The following SLC25A20 variants were observed in gnomAD, a reference collection of about 807,000 sequenced individuals.
SLC25A20 encodes mitochondrial carnitine/acylcarnitine carrier protein.
SLC25A20 carries 29 observed loss-of-function variants against 39.7 expected under a neutral mutation model. The observed-to-expected ratio is 0.73, with a 90% CI of 0.54 to 1.00. The LOEUF (loss-of-function observed/expected upper bound fraction) is 1.00, where lower values mean the gene tolerates loss of function less well. Among genes scored for constraint, SLC25A20 ranks in the 50% least tolerant of loss-of-function variants. The pLI is 0.00. For missense variants in SLC25A20, 333 were observed against 379.9 expected (o/e 0.88, Z 1.03); for synonymous variants, 103 against 142.2 (o/e 0.72, Z 1.96).
chr3:48,894,884 C>G (rs2083900970), intron 1 of SLC25A20, among the ~76,000 whole-genome samples: 1 of 152,238 alleles, frequency 6.6e-6, no homozygotes, highest in Non-Finnish European at 1.5e-5. Flanking sequence ...ATGGCATGAT[C>G]TTGGCTCACC....
At chr3:48,883,056 G>A (rs968763502) in intron 3 of SLC25A20, among the ~76,000 whole-genome samples, 2 of 151,378 alleles carry the variant, frequency 1.3e-5, no homozygotes, top group Admixed American at 6.6e-5. Context: ...TTAGCCGGGC[G>A]TGGTGGCGGG....
At chr3:48,879,308 A>G in intron 4 of SLC25A20, 50 bp downstream of exon 4, 1 of 1,368,632 alleles carries the variant, frequency 7.3e-7, no homozygotes, top group South Asian at 1.2e-5. Context: ...ATGCACACGA[A>G]ATTATAAACT....
intron 3 of SLC25A20, among the ~76,000 whole-genome samples, chr3:48,881,395 C>G (rs2083794465): frequency 6.6e-6 from 1 of 152,196 alleles, no homozygotes; most frequent in Admixed American, 6.6e-5. Flanking sequence ...GGACTGGAGA[C>G]TGTCTCTGAA....
chr3:48,887,290 G>T (rs1462687693), intron 2 of SLC25A20, among the ~76,000 whole-genome samples: 1 of 152,160 alleles, frequency 6.6e-6, no homozygotes, highest in East Asian at 1.9e-4. Flanking sequence ...ACAGACCCCT[G>T]CCTGGCAGCT....
At chr3:48,889,566 G>C (rs138467572) in intron 2 of SLC25A20, among the ~76,000 whole-genome samples, 1 of 151,106 alleles carries the variant, frequency 6.6e-6, no homozygotes, top group East Asian at 2.0e-4. Flanking sequence ...TCCAGATGCA[G>C]GTGTACATTT....
chr3:48,897,654 T>G (rs930055417), intron 1 of SLC25A20, among the ~76,000 whole-genome samples: 1 of 152,056 alleles, frequency 6.6e-6, no homozygotes, highest in Non-Finnish European at 1.5e-5. Flanking sequence ...GCTCCTCTCT[T>G]GGATGAAAGG....
At chr3:48,874,488 G>A (rs542867765) in intron 4 of SLC25A20, among the ~76,000 whole-genome samples, 137 of 151,460 alleles carry the variant, frequency 9.0e-4, no homozygotes, top group African/African-American at 3.0e-3. Flanking sequence ...CTAAACTAGA[G>A]ATACAACTAC....
chr3:48,874,871 A>AC (rs568298595), intron 4 of SLC25A20, among the ~76,000 whole-genome samples: 81 of 149,556 alleles, frequency 5.4e-4, no homozygotes, highest in Admixed American at 1.2e-3. Flanking sequence ...ACATGGTGAG[A>AC]CCCCCCCACC....
chr3:48,868,716 C>T (rs1238117597), intron 4 of SLC25A20, among the ~76,000 whole-genome samples: 1 of 152,158 alleles, frequency 6.6e-6, no homozygotes, highest in African/African-American at 2.4e-5. Context: ...TCCTCTACTC[C>T]AGCCAAACAC....
chr3:48,871,813 A>G (rs1175351385), intron 4 of SLC25A20, among the ~76,000 whole-genome samples: 1 of 151,018 alleles, frequency 6.6e-6, no homozygotes, highest in East Asian at 1.9e-4. Flanking sequence ...AATCACACAA[A>G]TATGTCCAAT....
At chr3:48,888,738 G>A (rs145914686) in intron 2 of SLC25A20, among the ~76,000 whole-genome samples, 1 of 152,106 alleles carries the variant, frequency 6.6e-6, no homozygotes, top group Admixed American at 6.6e-5. Context: ...CTTAGTTTCT[G>A]TATATTTAAT....
At chr3:48,859,476 C>T (rs1690279121) in intron 6 of SLC25A20, 79 bp downstream of exon 6, 2 of 1,203,192 alleles carry the variant, frequency 1.7e-6, no homozygotes, top group East Asian at 4.6e-5. Context: ...ACAACTACTT[C>T]TGCTTTCAGA....
At chr3:48,862,324 A>G (rs1267876852) in intron 5 of SLC25A20, among the ~76,000 whole-genome samples, 1 of 152,172 alleles carries the variant, frequency 6.6e-6, no homozygotes, top group Non-Finnish European at 1.5e-5. Context: ...CTGTGATGCC[A>G]TGACTTCTAC....
chr3:48,868,661 G>T (rs2083689442), intron 4 of SLC25A20, among the ~76,000 whole-genome samples: 1 of 152,112 alleles, frequency 6.6e-6, no homozygotes, highest in African/African-American at 2.4e-5. Context: ...CCAAAAAGAA[G>T]CCCCAACAAA....
chr3:48,895,468 C>G (rs1354421426), intron 1 of SLC25A20, among the ~76,000 whole-genome samples: 1 of 152,252 alleles, frequency 6.6e-6, no homozygotes, highest in Non-Finnish European at 1.5e-5. Flanking sequence ...GCTCACTGTT[C>G]TGCTTCCAAA....
At chr3:48,887,257 C>G (rs1368305132) in intron 2 of SLC25A20, among the ~76,000 whole-genome samples, 3 of 152,178 alleles carry the variant, frequency 2.0e-5, no homozygotes, top group Non-Finnish European at 4.4e-5. Context: ...GAATGGCCAA[C>G]CCAGTTCCAT....
At chr3:48,869,636 G>A (rs1559666152) in intron 4 of SLC25A20, among the ~76,000 whole-genome samples, 1 of 152,092 alleles carries the variant, frequency 6.6e-6, no homozygotes, top group African/African-American at 2.4e-5. Flanking sequence ...ATCAGCGAGG[G>A]CAATTAAGCA....
chr3:48,871,856 G>A (rs992403180), intron 4 of SLC25A20, among the ~76,000 whole-genome samples: 7 of 150,930 alleles, frequency 4.6e-5, no homozygotes, highest in South Asian at 4.2e-4. Flanking sequence ...GTCTCACTCC[G>A]TCACCCAGGG....
chr3:48,863,827 C>G (rs1008251360), intron 4 of SLC25A20, among the ~76,000 whole-genome samples: 2 of 150,212 alleles, frequency 1.3e-5, no homozygotes, highest in Non-Finnish European at 3.0e-5. Flanking sequence ...CCAGCCTGAC[C>G]AACATGGTGA....
Sources: allele counts gnomAD v4.1 joint callset (sites outside exome capture counted in the v4.1 genomes callset), GRCh38; gene constraint gnomAD v4.1.1; transcripts MANE v1.5; gene names NCBI Gene and HGNC (gene_info 2026-07-23, HGNC 2026-07-21).